The following LHFPL3 variants were observed in gnomAD, a reference collection of about 807,000 sequenced individuals.
LHFPL3 encodes the protein LHFPL tetraspan subfamily member 3.
Under a neutral mutation model 19.3 loss-of-function variants are expected in LHFPL3, and 5 were observed. The observed-to-expected ratio is 0.26, with a 90% CI of 0.14 to 0.54. The LOEUF is 0.54. Ranked by LOEUF, LHFPL3 falls within the 20% of genes least tolerant of loss-of-function variation. The pLI is 0.94. For synonymous variants in LHFPL3, 133 were observed against 126.2 expected (o/e 1.05, Z -0.36); for missense variants, 249 against 307.4 (o/e 0.81, Z 1.42).
rs899536219 is a variant in LHFPL3, at chr7:104,378,531, A to G, written c.445+49307A>G. On this transcript the variant is annotated intron_variant, in intron 1 of 2. Transcript: ENST00000424859. The stretch of plus-strand genomic sequence containing the variant: ...CATGTACAGGTCTTTCTGTTGCAAC[A>G]TATTTTTACTTTTCTTGGGTAAACA... Among the ~76,000 whole-genome samples, 7 of 152,160 alleles carry G rather than the reference A, an allele frequency of 4.6e-5. No homozygotes were observed. In the East Asian group the frequency reaches 1.3e-3, roughly 29 times the overall value.
At chr7:104,873,645 A>C (rs747070799) in intron 2 of LHFPL3, among the ~76,000 whole-genome samples, 1 of 152,168 alleles carries the variant, frequency 6.6e-6, no homozygotes, top group Non-Finnish European at 1.5e-5. Context: ...GAAAGAAAAA[A>C]AAACTGAAAC....
At chr7:104,490,315 A>G (rs756917735) in intron 1 of LHFPL3, among the ~76,000 whole-genome samples, 1 of 152,162 alleles carries the variant, frequency 6.6e-6, no homozygotes, top group African/African-American at 2.4e-5. Flanking sequence ...CTCCTCTTCT[A>G]CTGAGTGACT....
intron 1 of LHFPL3, among the ~76,000 whole-genome samples, chr7:104,485,246 C>A (rs1793216505): frequency 6.6e-6 from 1 of 150,908 alleles, no homozygotes; most frequent in Non-Finnish European, 1.5e-5. Flanking sequence ...CATGCAAAGG[C>A]AGTTTTTGCA....
chr7:104,899,356 C>T (rs1792437115), intron 2 of LHFPL3, among the ~76,000 whole-genome samples: 1 of 151,874 alleles, frequency 6.6e-6, no homozygotes, highest in South Asian at 2.1e-4. Flanking sequence ...ACACATTTAA[C>T]CACTGAACTA....
intron 2 of LHFPL3, among the ~76,000 whole-genome samples, chr7:104,790,514 T>C (rs10953451): frequency 0.24 from 35,938 of 152,082 alleles, 5,425 homozygotes; most frequent in South Asian, 0.39. Flanking sequence ...TTATTCTTTA[T>C]TTTAGGACCA....
intron 2 of LHFPL3, among the ~76,000 whole-genome samples, chr7:104,790,233 T>C (rs1170372575): frequency 1.3e-5 from 2 of 152,182 alleles, no homozygotes; most frequent in Admixed American, 6.5e-5. Flanking sequence ...CCTGACCTTC[T>C]GTTTACCACC....
intron 1 of LHFPL3, among the ~76,000 whole-genome samples, chr7:104,483,951 T>C (rs1304234590): frequency 6.6e-6 from 1 of 152,138 alleles, no homozygotes; most frequent in Non-Finnish European, 1.5e-5. Flanking sequence ...TTATATAAGA[T>C]TCAAGTTATA....
intron 1 of LHFPL3, among the ~76,000 whole-genome samples, chr7:104,493,104 A>G (rs1385438068): frequency 1.3e-5 from 2 of 152,108 alleles, no homozygotes; most frequent in Non-Finnish European, 2.9e-5. Context: ...ATGTCATTTC[A>G]CTACTGTTCC....
chr7:104,371,932 G>T (rs779904399), intron 1 of LHFPL3, among the ~76,000 whole-genome samples: 3 of 152,192 alleles, frequency 2.0e-5, no homozygotes, highest in Non-Finnish European at 2.9e-5. Flanking sequence ...GAATTTTCTC[G>T]CTGCTAGTTG....
chr7:104,788,824 G>A (rs770796751), intron 2 of LHFPL3, among the ~76,000 whole-genome samples: 10 of 152,078 alleles, frequency 6.6e-5, no homozygotes, highest in Non-Finnish European at 1.2e-4. Flanking sequence ...TCCTTCACTC[G>A]TTCCCTCTCT....
intron 1 of LHFPL3, among the ~76,000 whole-genome samples, chr7:104,593,134 G>A (rs1299047532): frequency 6.6e-6 from 1 of 152,046 alleles, no homozygotes; most frequent in Admixed American, 6.6e-5. Flanking sequence ...TGATGTTAGG[G>A]TGTCAATTTT....
chr7:104,632,738 C>T (rs1157682375), intron 1 of LHFPL3, among the ~76,000 whole-genome samples: 4 of 152,214 alleles, frequency 2.6e-5, no homozygotes, highest in Non-Finnish European at 5.9e-5. Flanking sequence ...CTTCAACTTC[C>T]CAAGCTCAGG....
intron 1 of LHFPL3, among the ~76,000 whole-genome samples, chr7:104,601,824 T>C (rs1329276627): frequency 6.6e-6 from 1 of 152,130 alleles, no homozygotes; most frequent in East Asian, 1.9e-4. Flanking sequence ...CCACATGATC[T>C]GGAATCACAG....
chr7:104,534,654 C>T (rs1483698450), intron 1 of LHFPL3, among the ~76,000 whole-genome samples: 2 of 152,150 alleles, frequency 1.3e-5, no homozygotes, highest in African/African-American at 4.8e-5. Flanking sequence ...ATTCCATATT[C>T]AGTGCTATTT....
At chr7:104,715,944 T>C (rs1793377066) in intron 1 of LHFPL3, among the ~76,000 whole-genome samples, 1 of 152,184 alleles carries the variant, frequency 6.6e-6, no homozygotes, top group African/African-American at 2.4e-5. Context: ...CTTTGATTTT[T>C]TGGATAAGTT....
intron 1 of LHFPL3, among the ~76,000 whole-genome samples, chr7:104,640,401 T>C (rs1791808987): frequency 6.6e-6 from 1 of 152,218 alleles, no homozygotes; most frequent in South Asian, 2.1e-4. Flanking sequence ...GCTAGTTTGC[T>C]GAGGATGATA....
At chr7:104,332,510 C>T (rs1047532970) in intron 1 of LHFPL3, among the ~76,000 whole-genome samples, 4 of 151,978 alleles carry the variant, frequency 2.6e-5, no homozygotes, top group Non-Finnish European at 4.4e-5. Flanking sequence ...GGATTACAGG[C>T]GTGAGCCACT....
chr7:104,456,132 A>G (rs969980216), intron 1 of LHFPL3, among the ~76,000 whole-genome samples: 3 of 152,212 alleles, frequency 2.0e-5, no homozygotes, highest in Non-Finnish European at 4.4e-5. Flanking sequence ...GTACTCTACA[A>G]ATAATGAAAG....
At chr7:104,824,560 TTA>T (rs1400613289) in intron 2 of LHFPL3, among the ~76,000 whole-genome samples, 4 of 75,208 alleles carry the variant, frequency 5.3e-5, no homozygotes, top group Non-Finnish European at 9.1e-5. Context: ...TAATATATAA[TTA>T]TATATATTAT....
Sources: gnomAD v4.1 joint callset for allele counts (sites outside exome capture counted in the v4.1 genomes callset) on GRCh38, gnomAD v4.1.1 for gene constraint, MANE v1.5 for transcripts, NCBI Gene and HGNC (gene_info 2026-07-23, HGNC 2026-07-21) for gene names.